MGAM: variants seen among roughly 807,000 people sequenced by gnomAD.
MGAM encodes maltase-glucoamylase.
MGAM carries 253 observed loss-of-function variants against 358.8 expected under a neutral mutation model. The observed-to-expected ratio is 0.71, with a 90% CI of 0.64 to 0.78. The LOEUF (loss-of-function observed/expected upper bound fraction) is 0.78, where lower values mean the gene tolerates loss of function less well. Ranked by LOEUF, MGAM falls within the 30% of genes least tolerant of loss-of-function variation. The pLI is 0.00. For missense variants in MGAM, 3,080 were observed against 3,432.6 expected (o/e 0.90, Z 2.57); for synonymous variants, 1,105 against 1,227.1 (o/e 0.90, Z 2.08).
intron 4 of MGAM, among the ~76,000 whole-genome samples, chr7:142,019,849 A>G (rs1806271785): frequency 6.6e-6 from 1 of 152,126 alleles, no homozygotes; most frequent in Admixed American, 6.6e-5. Flanking sequence ...TGGATAGATC[A>G]CCTGAGCTCA....
chr7:141,988,509 C>T (rs1039955939), intron 2 of MGAM, among the ~76,000 whole-genome samples: 4 of 151,998 alleles, frequency 2.6e-5, no homozygotes, highest in South Asian at 2.1e-4. Flanking sequence ...AGATAACAGG[C>T]GCCCGCCACC....
intron 14 of MGAM, among the ~76,000 whole-genome samples, chr7:142,033,907 A>C (rs1554464819): frequency 6.6e-6 from 1 of 152,218 alleles, no homozygotes; most frequent in Non-Finnish European, 1.5e-5. Context: ...AGAAGGAGTC[A>C]GAAATTAATT....
At chr7:142,096,282 G>A (rs1383650630) in intron 64 of MGAM, 49 bp from the exon 65 acceptor site, 3 of 1,471,200 alleles carry the variant, frequency 2.0e-6, no homozygotes, top group Non-Finnish European at 2.9e-6. Context: ...CAGAGTGTCG[G>A]GCTGGGGCTC....
chr7:142,032,763 A>C, intron 13 of MGAM, 62 bp from the exon 14 acceptor site: 1 of 993,064 alleles, frequency 1.0e-6, no homozygotes, highest in South Asian at 1.5e-5. Context: ...AAAAGACACC[A>C]TCACGACATC....
rs1554462940 is a variant in MGAM, at chr7:142,030,502, T to C, written c.1353+9T>C. 1 of 1,613,398 alleles carries C rather than the reference T, an allele frequency of 6.2e-7. No homozygotes were observed. The highest frequency in any genetic ancestry group is 8.5e-7 in the Non-Finnish European group (1 of 1,179,638). ...AGCTTGTCATCATTGTGGTATGTAC[T>C]GCCCTCTTTCCACCAAATTAGGTAT... On this transcript the variant is annotated intron_variant, in intron 11 of 70. Transcript: ENST00000475668.
At chr7:142,065,869 C>A in intron 40 of MGAM, 38 bp downstream of exon 40, 1 of 1,403,174 alleles carries the variant, frequency 7.1e-7, no homozygotes, top group Non-Finnish European at 1.0e-6. Context: ...TTTTATGTCA[C>A]TTGAAAGACA....
intron 64 of MGAM, chr7:142,095,914 A>G (rs1254883613): frequency 1.2e-6 from 1 of 833,302 alleles, no homozygotes; most frequent in Non-Finnish European, 1.8e-6. Context: ...TGAATGAGCA[A>G]AACTGAAATG....
At chr7:142,056,661 C>A (rs947563003) in intron 29 of MGAM, among the ~76,000 whole-genome samples, 169 bp from the exon 30 acceptor site, 1 of 152,026 alleles carries the variant, frequency 6.6e-6, no homozygotes, top group African/African-American at 2.4e-5. Flanking sequence ...AGGAATGGGA[C>A]CTGTAGACTT....
intron 36 of MGAM, among the ~76,000 whole-genome samples, chr7:142,064,164 C>T (rs564887680): frequency 6.6e-6 from 1 of 152,304 alleles, no homozygotes; most frequent in African/African-American, 2.4e-5. Context: ...TACGTTCTTC[C>T]TGACACCTCT....
rs1816829190 is a variant in MGAM at position 142,105,927 on chromosome 7, CT to C, written c.*39del. On this transcript the variant is annotated 3_prime_UTR_variant, in exon 71 of 71. Coordinates refer to ENST00000475668, the MANE Select transcript of MGAM (RefSeq NM_001365693.1). ...CAAGATTCTAACTAACTATGAATGACTTTGAAACTACTTATACTTCATACTC... is the reference window on the plus strand; with the variant it reads ...CAAGATTCTAACTAACTATGAATGACTTGAAACTACTTATACTTCATACTC... 2 of 1,460,388 alleles carry C rather than the reference CT, an allele frequency of 1.4e-6. No individual in the cohort carries two copies. Among genetic ancestry groups the C allele is most frequent in the Non-Finnish European group, 1.9e-6 (2 of 1,040,738 alleles). 90.5% of individuals were successfully genotyped at this position (1,460,388 alleles called of 1,614,324 possible).
At chr7:142,050,319 G>T in intron 23 of MGAM, 35 bp downstream of exon 23, 4 of 1,597,600 alleles carry the variant, frequency 2.5e-6, no homozygotes, top group Non-Finnish European at 2.6e-6. Flanking sequence ...TTAGGTGTGG[G>T]CTTTGGACTG....
Position 142,100,840 on chromosome 7 carries a change from A to C in MGAM, c.7913A>C (p.Asp2638Ala). Reference sequence around the variant, plus strand: ...ATGGGCTTCAAAATTGCCTTGGATGATGAAGGAACTGCTGGGGGCTGGCTC... The same window carrying C: ...ATGGGCTTCAAAATTGCCTTGGATGCTGAAGGAACTGCTGGGGGCTGGCTC... Reference protein sequence around the residue: ...KFMGFKIALDDEGTAGGWLFW... With the variant: ...KFMGFKIALDAEGTAGGWLFW... The change falls in exon 68 of 71, where the codon GAT becomes GCT. Residue 2638 changes from aspartate (D) to alanine (A), a missense_variant. Asp to Ala is a moderately radical substitution (Grantham distance 126, BLOSUM62 -2). Around this residue, in one of 5 missense-constraint regions of MGAM, gnomAD observed 194 missense variants for 172.8 expected, o/e 1.12. Coordinates refer to ENST00000475668, the MANE Select transcript of MGAM (RefSeq NM_001365693.1). 6.2e-7 allele frequency: 1 copy of C among 1,613,292 alleles called. No individual in the cohort carries two copies. The highest frequency in any genetic ancestry group is 1.7e-5 in the Admixed American group (1 of 59,948).
At chr7:142,079,441 T>A (rs1170250294) in intron 49 of MGAM, among the ~76,000 whole-genome samples, 1 of 145,692 alleles carries the variant, frequency 6.9e-6, no homozygotes, top group East Asian at 2.0e-4. Flanking sequence ...GTATCTTGCA[T>A]CTTAATATGG....
rs374895549 is a variant in MGAM at position 142,040,157 on chromosome 7, T to A, written c.2359T>A (p.Tyr787Asn). 6.2e-6 allele frequency: 10 copies of A among 1,612,328 alleles called. No individual in the cohort carries two copies. The African/African-American group carries it at 6.7e-5, about 11-fold the overall frequency. Residue 787 changes from tyrosine (Y) to asparagine (N), a missense_variant, in exon 20 of 71, where the codon TAT (tyrosine) becomes AAT (asparagine). Coordinates refer to ENST00000475668, the MANE Select transcript of MGAM (RefSeq NM_001365693.1). ...GGCATATGTGCCTGATGCTGTCTGGTATGACTACGAGACTGTAAGTAGCTT... is the reference window on the plus strand; with the variant it reads ...GGCATATGTGCCTGATGCTGTCTGGAATGACTACGAGACTGTAAGTAGCTT... ...VMAYVPDAVWYDYETGSQVRW... is the reference protein window; with the variant it reads ...VMAYVPDAVWNDYETGSQVRW...
chr7:142,043,007 A>C (rs1161132364), intron 21 of MGAM, among the ~76,000 whole-genome samples: 2 of 95,938 alleles, frequency 2.1e-5, no homozygotes, highest in Non-Finnish European at 3.5e-5. Flanking sequence ...TAATATCTAA[A>C]TATAATATAT....
Position 142,054,833 on chromosome 7 carries a change from G to T in MGAM, c.3239G>T (p.Gly1080Val). ...AGCATGCCATCCAGCACCCCTGAGG[G>T]TCAACTCTATGATGTGCTCATTAAG... ...IPSMPSSTPE[G>V]QLYDVLIKKN... Residue 1080 changes from glycine (G) to valine (V), a missense_variant, in exon 27 of 71, where the codon GGT (glycine) becomes GTT (valine). Gly to Val is a moderately radical substitution (Grantham distance 109, BLOSUM62 -3). This residue lies in a region of MGAM where 1,816 missense variants were observed against 1,840.5 expected (regional missense o/e 0.99). Coordinates refer to ENST00000475668, the MANE Select transcript of MGAM (RefSeq NM_001365693.1). The T allele has an allele frequency of 6.2e-7, 1 of 1,613,898 alleles. No homozygotes were observed.
chr7:141,999,220 T>C (rs987916867), intron 1 of MGAM, among the ~76,000 whole-genome samples: 2 of 152,270 alleles, frequency 1.3e-5, no homozygotes, highest in Middle Eastern at 3.4e-3. Flanking sequence ...CTTCCAGAGA[T>C]GTAGTTTAGA....
In MGAM at chr7:142,044,126, G is replaced by A. The variant is rs188345158; in HGVS notation, c.2498+3280G>A. On this transcript the variant is annotated intron_variant, in intron 21 of 70. Transcript: ENST00000475668. ...TATATACATTATATACACATACGAC[G>A]TATAATATGTACATTATATACACAT... 1.9e-3 allele frequency among the ~76,000 whole-genome samples: 237 copies of A among 127,770 alleles called. 4 individuals are homozygous for A. Among genetic ancestry groups the A allele is most frequent in the Admixed American group, 7.4e-3 (88 of 11,958 alleles). The allele number at this position is 127,770 out of a possible 152,430, so 83.8% of individuals were successfully genotyped here. A position where few individuals can be genotyped will look rare whatever the true frequency, so the allele number is the denominator to read the frequency against.
chr7:142,033,998 A>G (rs1167155186), intron 14 of MGAM, among the ~76,000 whole-genome samples: 5 of 152,212 alleles, frequency 3.3e-5, no homozygotes, highest in Admixed American at 1.3e-4. Context: ...CTCAGGCCTG[A>G]ATGAATCTTC....
Sources: gnomAD v4.1 joint callset for allele counts (sites outside exome capture counted in the v4.1 genomes callset) on GRCh38, gnomAD v4.1.1 for gene constraint, gnomAD v4.1.1 regional missense constraint, MANE v1.5 for transcripts, NCBI Gene and HGNC (gene_info 2026-07-23, HGNC 2026-07-21) for gene names.